Variants in CHCHD6 observed in about 807,000 individuals in gnomAD.
CHCHD6 encodes MICOS complex subunit MIC25.
CHCHD6 carries 28 observed loss-of-function variants against 32.3 expected under a neutral mutation model. The ratio of observed to expected loss-of-function variants is 0.87; its 90% CI spans 0.64 to 1.19. The LOEUF (loss-of-function observed/expected upper bound fraction) is 1.19, where lower values mean the gene tolerates loss of function less well. CHCHD6 is among the 50% of genes most tolerant of loss of function. CHCHD6 has a pLI of 0.00. For missense variants in CHCHD6, 333 were observed against 307.0 expected, an observed-to-expected ratio of 1.08 and a Z score of -0.63; for synonymous variants, 122 against 117.5, an observed-to-expected ratio of 1.04 and a Z score of -0.25.
chr3:126,950,692 C>T (rs764232696), intron 6 of CHCHD6, among the ~76,000 whole-genome samples: 2 of 152,098 alleles, frequency 1.3e-5, no homozygotes, highest in African/African-American at 2.4e-5. Context: ...CTCAAGTGAT[C>T]GCCTGCATCG....
chr3:126,744,389 T>C (rs73201764), intron 4 of CHCHD6, among the ~76,000 whole-genome samples: 2 of 152,230 alleles, frequency 1.3e-5, no homozygotes, highest in South Asian at 4.1e-4. Flanking sequence ...CGAAAAGGGT[T>C]ATTTGGCTGA....
intron 4 of CHCHD6, among the ~76,000 whole-genome samples, chr3:126,803,072 G>A (rs558150609): frequency 8.3e-4 from 126 of 151,628 alleles, no homozygotes; most frequent in Middle Eastern, 6.8e-3. Flanking sequence ...AGCACTAAAC[G>A]TGGAAAGGAA....
At chr3:126,896,633 C>T (rs568469646) in intron 5 of CHCHD6, among the ~76,000 whole-genome samples, 1 of 152,376 alleles carries the variant, frequency 6.6e-6, no homozygotes, top group South Asian at 2.1e-4. Flanking sequence ...CTTGGCCCAG[C>T]TCTTCTTCTC....
At chr3:126,854,385 T>C (rs1041996314) in intron 5 of CHCHD6, among the ~76,000 whole-genome samples, 8 of 151,944 alleles carry the variant, frequency 5.3e-5, no homozygotes, top group African/African-American at 1.9e-4. Flanking sequence ...ACCTCCAACA[T>C]CTCAGGAAAT....
intron 4 of CHCHD6, among the ~76,000 whole-genome samples, chr3:126,799,362 A>C (rs1260874118): frequency 1.3e-5 from 2 of 152,200 alleles, no homozygotes; most frequent in African/African-American, 4.8e-5. Flanking sequence ...AATTGCTAGG[A>C]TAGGACCTCA....
intron 5 of CHCHD6, among the ~76,000 whole-genome samples, chr3:126,905,664 G>A (rs1038492627): frequency 2.0e-5 from 3 of 152,030 alleles, no homozygotes; most frequent in Non-Finnish European, 4.4e-5. Context: ...CAGGATGGGG[G>A]GTGTGTGAGG....
At chr3:126,894,691 G>A (rs547592452) in intron 5 of CHCHD6, among the ~76,000 whole-genome samples, 2 of 152,294 alleles carry the variant, frequency 1.3e-5, no homozygotes, top group South Asian at 4.2e-4. Flanking sequence ...CCCAGCAGAC[G>A]GAGCAGGAGG....
intron 4 of CHCHD6, among the ~76,000 whole-genome samples, chr3:126,825,885 C>T (rs989829202): frequency 1.3e-5 from 2 of 152,168 alleles, no homozygotes; most frequent in Non-Finnish European, 2.9e-5. Context: ...GCAACAAACA[C>T]GTTTACTCTT....
At chr3:126,704,529 C>A in intron 1 of CHCHD6, 130 bp downstream of exon 1, 2 of 542,128 alleles carry the variant, frequency 3.7e-6, no homozygotes, top group South Asian at 3.6e-5. Context: ...TCCGGGGGCT[C>A]AGGCCAGGAA....
intron 4 of CHCHD6, among the ~76,000 whole-genome samples, chr3:126,812,474 A>G (rs1426232101): frequency 6.6e-6 from 1 of 151,560 alleles, no homozygotes; most frequent in Admixed American, 6.6e-5. Flanking sequence ...CCACGGCTGG[A>G]GTGCAGTGGC....
rs369456426 is a variant in CHCHD6 at position 126,904,548 on chromosome 3, CTGTG to C, written c.496-10122_496-10119del. Among the ~76,000 whole-genome samples, 179 of 152,094 alleles carry C rather than the reference CTGTG, an allele frequency of 1.2e-3. 1 individual carries two copies. The highest frequency in any genetic ancestry group is 4.2e-3 in the African/African-American group (173 of 41,510). On this transcript the variant is annotated intron_variant, in intron 5 of 7. Transcript: ENST00000290913. ...TCTGTTGCTTTACTCTTTGCAAAGT[CTGTG>C]TGTGTGTGTATGTATACATATATAC...
intron 5 of CHCHD6, among the ~76,000 whole-genome samples, chr3:126,884,372 T>C (rs1285507335): frequency 1.3e-5 from 2 of 152,202 alleles, no homozygotes; most frequent in African/African-American, 4.8e-5. Flanking sequence ...GTTGGTAATT[T>C]TGGCAATCAA....
At chr3:126,843,592 C>T (rs1052018468) in intron 4 of CHCHD6, among the ~76,000 whole-genome samples, 1 of 152,164 alleles carries the variant, frequency 6.6e-6, no homozygotes, top group African/African-American at 2.4e-5. Flanking sequence ...TTACTGCATT[C>T]ATCACATTGT....
chr3:126,804,482 C>T lies in CHCHD6; in HGVS notation c.412-48165C>T, dbSNP rs981430105. Among the ~76,000 whole-genome samples, 305 of 152,258 alleles carry T rather than the reference C, an allele frequency of 2.0e-3. 1 individual carries two copies. Among genetic ancestry groups the T allele is most frequent in the African/African-American group, 6.7e-3 (280 of 41,548 alleles). The stretch of plus-strand genomic sequence containing the variant: ...ATCTAGAAGAAATGGATAAATTCCT[C>T]GACACATACACCCTCCCAAGACTAA... On this transcript the variant is annotated intron_variant, in intron 4 of 7. Transcript: ENST00000290913.
intron 4 of CHCHD6, among the ~76,000 whole-genome samples, chr3:126,809,381 C>G (rs753059637): frequency 2.0e-5 from 3 of 152,200 alleles, no homozygotes; most frequent in Admixed American, 2.0e-4. Context: ...TCTCCTTTTA[C>G]AGTTCTTCAA....
chr3:126,904,595 G>A (rs1016970040), intron 5 of CHCHD6, among the ~76,000 whole-genome samples: 2 of 152,000 alleles, frequency 1.3e-5, no homozygotes, highest in Non-Finnish European at 2.9e-5. Context: ...TACATACATC[G>A]GCAGCATACA....
At chr3:126,763,799 A>C (rs907533516) in intron 4 of CHCHD6, among the ~76,000 whole-genome samples, 1 of 152,242 alleles carries the variant, frequency 6.6e-6, no homozygotes, top group Admixed American at 6.5e-5. Context: ...AGAAGTTACC[A>C]GAGGCTATGG....
At chr3:126,785,196 A>T (rs557749111) in intron 4 of CHCHD6, among the ~76,000 whole-genome samples, 12 of 152,022 alleles carry the variant, frequency 7.9e-5, no homozygotes, top group Non-Finnish European at 1.8e-4. Context: ...CCTTTTCATT[A>T]TAGAAAGTTT....
intron 4 of CHCHD6, among the ~76,000 whole-genome samples, chr3:126,815,845 A>G (rs569014614): frequency 2.7e-4 from 41 of 152,190 alleles, no homozygotes; most frequent in Non-Finnish European, 3.7e-4. Flanking sequence ...TGCTGGCCTC[A>G]TCCTAGCTTT....
Sources: allele counts gnomAD v4.1 joint callset (sites outside exome capture counted in the v4.1 genomes callset), GRCh38; gene constraint gnomAD v4.1.1; transcripts MANE v1.5; gene names NCBI Gene and HGNC (gene_info 2026-07-23, HGNC 2026-07-21).